CSMD2: variants seen among roughly 807,000 people sequenced by gnomAD.
CSMD2 encodes the protein CUB and sushi domain-containing protein 2.
Under a neutral mutation model 398.5 loss-of-function variants are expected in CSMD2, and 130 were observed. That is an observed-to-expected ratio of 0.33 (90% CI 0.28 to 0.38). The LOEUF (loss-of-function observed/expected upper bound fraction) is 0.38. Ranked by LOEUF, CSMD2 falls within the 10% of genes least tolerant of loss-of-function variation. CSMD2 has a pLI of 1.00. For synonymous variants in CSMD2, 1,828 were observed against 1,908.5 expected, an observed-to-expected ratio of 0.96 and a Z score of 1.10; for missense variants, 3,829 against 4,764.9, an observed-to-expected ratio of 0.80 and a Z score of 5.78.
At chr1:33,522,137 C>T (rs1193106241) in intron 67 of CSMD2, among the ~76,000 whole-genome samples, 1 of 152,196 alleles carries the variant, frequency 6.6e-6, no homozygotes, top group Non-Finnish European at 1.5e-5. Context: ...AATGTGCAGT[C>T]TGGGGCCGCA....
At chr1:33,541,070 C>T (rs1022953260) in intron 59 of CSMD2, 60 bp downstream of exon 59, 45 of 1,532,566 alleles carry the variant, frequency 2.9e-5, no homozygotes, top group African/African-American at 4.1e-5. Flanking sequence ...TGCTCAGGGC[C>T]TACATCTCAC....
At chr1:33,667,023 G>A (rs1253127506) in intron 25 of CSMD2, among the ~76,000 whole-genome samples, 1 of 152,168 alleles carries the variant, frequency 6.6e-6, no homozygotes, top group Non-Finnish European at 1.5e-5. Context: ...GAAGCTGTCC[G>A]GGAAGAAAGG....
At chr1:34,012,925 C>A (rs975092853) in intron 3 of CSMD2, among the ~76,000 whole-genome samples, 8 of 152,204 alleles carry the variant, frequency 5.3e-5, no homozygotes, top group Non-Finnish European at 4.4e-5. Flanking sequence ...CCTCTCCAGG[C>A]TTGTCTGCAT....
chr1:33,560,382 T>C (rs1297569444), intron 53 of CSMD2, among the ~76,000 whole-genome samples: 3 of 152,234 alleles, frequency 2.0e-5, no homozygotes, highest in African/African-American at 7.2e-5. Flanking sequence ...AGGGATGTGG[T>C]ATTTGCAGGC....
rs187696812 is a variant in CSMD2 at position 33,530,962 on chromosome 1, G to A, written c.10171+2088C>T. On this transcript the variant is annotated intron_variant, in intron 64 of 70. Transcript: ENST00000373381. ...GGCTAGGGTGGGGTGGTACTGGGGG[G>A]TTGGAATTGGAAAGATGTTGGCCAA... Among the ~76,000 whole-genome samples the A allele has an allele frequency of 1.1e-3, 167 of 152,242 alleles. 3 individuals carry two copies. The highest frequency in any genetic ancestry group is 2.9e-4 in the Non-Finnish European group (20 of 68,004).
At chr1:33,716,626 T>C (rs1646179208) in intron 19 of CSMD2, 125 bp from the exon 20 acceptor site, 4 of 668,662 alleles carry the variant, frequency 6.0e-6, no homozygotes, top group African/African-American at 1.8e-5. Context: ...ACTACAAGCA[T>C]GCATTGACAA....
rs1645378042 is a variant in CSMD2 at position 33,961,994 on chromosome 1, G to T, written c.518-26040C>A. Among the ~76,000 whole-genome samples, 3 of 152,204 alleles carry T rather than the reference G, an allele frequency of 2.0e-5. 1 individual carries two copies. The highest frequency in any genetic ancestry group is 6.5e-5 in the Admixed American group (1 of 15,286). On this transcript the variant is annotated intron_variant, in intron 3 of 70. Transcript: ENST00000373381. ...CTTGGGGATGTTGAGAAGATTAAAT[G>T]AGATAGATCATGTGAAAAACACATG...
chr1:33,645,081 A>G (rs1249313856), intron 29 of CSMD2, among the ~76,000 whole-genome samples: 2 of 152,140 alleles, frequency 1.3e-5, no homozygotes, highest in Non-Finnish European at 2.9e-5. Flanking sequence ...CATTGTTCTA[A>G]TTAGTGTTAT....
rs1393753168 is a variant in CSMD2 at position 34,089,070 on chromosome 1, A to G, written c.311T>C (p.Ile104Thr). The G allele has an allele frequency of 1.2e-6, 2 of 1,614,152 alleles. No individual in the cohort carries two copies. Among genetic ancestry groups the G allele is most frequent in the Non-Finnish European group, 8.5e-7 (1 of 1,180,028 alleles). ...GGCAAAGGACTGGAACACAAGCTGG[A>G]TTCTGTGCTGCTCTTCCGCGGTGAT... is the stretch of plus-strand genomic sequence containing the variant. ...WTITAEEQHR[I>T]QLVFQSFALE... The change falls in exon 2 of 71, where the codon ATC (isoleucine) becomes ACC (threonine). Residue 104 changes from isoleucine (I) to threonine (T), a missense_variant. Coordinates refer to ENST00000373381, the MANE Select transcript of CSMD2 (RefSeq NM_001281956.2).
chr1:33,920,341 C>T (rs1293474424), intron 4 of CSMD2, among the ~76,000 whole-genome samples: 2 of 142,444 alleles, frequency 1.4e-5, no homozygotes, highest in African/African-American at 2.6e-5. Context: ...CCAGCTTGGC[C>T]AACATGATGA....
intron 4 of CSMD2, among the ~76,000 whole-genome samples, chr1:33,923,856 G>A (rs1211032549): frequency 6.6e-6 from 1 of 152,128 alleles, no homozygotes; most frequent in Non-Finnish European, 1.5e-5. Flanking sequence ...ATCTGAGGTG[G>A]AACAGTTTCA....
At chr1:33,818,934 T>A (rs530956022) in intron 9 of CSMD2, among the ~76,000 whole-genome samples, 37 of 152,344 alleles carry the variant, frequency 2.4e-4, no homozygotes, top group Middle Eastern at 6.8e-3. Flanking sequence ...GGATCCAGCA[T>A]GTAACTTTGC....
chr1:33,540,028 A>G (rs1431500769), intron 60 of CSMD2, among the ~76,000 whole-genome samples: 8 of 152,176 alleles, frequency 5.3e-5, no homozygotes, highest in Non-Finnish European at 1.2e-4. Flanking sequence ...AGAATAAGTG[A>G]CCCAGAACCT....
rs1641966988 is a variant in CSMD2, at chr1:33,624,417, A to C, written c.5625+102T>G. 1 of 1,459,834 alleles carries C rather than the reference A, an allele frequency of 6.9e-7. No individual in the cohort carries two copies. Among genetic ancestry groups the C allele is most frequent in the Non-Finnish European group, 9.3e-7 (1 of 1,069,696 alleles). The allele number at this position is 1,459,834 out of a possible 1,614,324, so 90.4% of individuals were successfully genotyped here. A position where few individuals can be genotyped will look rare whatever the true frequency, so the allele number is the denominator to read the frequency against. ...ATATGTCTCTTCCTGGCTCACCCTG[A>C]CTCAGGCCTTGGCACCAGCCAGCAC... On this transcript the variant is annotated intron_variant, in intron 35 of 70. Coordinates refer to ENST00000373381, the MANE Select transcript of CSMD2 (RefSeq NM_001281956.2). The surrounding 1 kb of genome is among the most constrained non-coding windows in gnomAD (Gnocchi z 4.7).
At chr1:33,879,830 A>G (rs1558044909) in intron 5 of CSMD2, among the ~76,000 whole-genome samples, 1 of 152,210 alleles carries the variant, frequency 6.6e-6, no homozygotes, top group Non-Finnish European at 1.5e-5. Context: ...TCAAGGTGAC[A>G]GGTGTAGAGC....
At chr1:34,056,555 T>A (rs1478943121) in intron 2 of CSMD2, among the ~76,000 whole-genome samples, 3 of 152,246 alleles carry the variant, frequency 2.0e-5, no homozygotes, top group Non-Finnish European at 1.5e-5. Flanking sequence ...GTGCTCCATT[T>A]TCCCCTTCAT....
intron 6 of CSMD2, among the ~76,000 whole-genome samples, chr1:33,831,338 G>C (rs1350992730): frequency 6.6e-6 from 1 of 152,194 alleles, no homozygotes; most frequent in African/African-American, 2.4e-5. Flanking sequence ...CAAGTCAGAA[G>C]AAATTGGGGG....
chr1:33,752,223 T>G (rs933849424), intron 13 of CSMD2, among the ~76,000 whole-genome samples: 5 of 152,208 alleles, frequency 3.3e-5, no homozygotes, highest in African/African-American at 1.2e-4. Flanking sequence ...AATCTCAGGT[T>G]GAAATGTAAT....
intron 48 of CSMD2, among the ~76,000 whole-genome samples, chr1:33,578,655 C>A (rs1200222550): frequency 6.6e-6 from 1 of 152,118 alleles, no homozygotes; most frequent in African/African-American, 2.4e-5. Flanking sequence ...TGCCAGGGAT[C>A]CTCAGGGGGA....
Sources: gnomAD v4.1 joint callset for allele counts (sites outside exome capture counted in the v4.1 genomes callset) on GRCh38, gnomAD v4.1.1 for gene constraint, Gnocchi (gnomAD v3.1) non-coding constraint, MANE v1.5 for transcripts, NCBI Gene and HGNC (gene_info 2026-07-23, HGNC 2026-07-21) for gene names.